TAB2: variants seen among roughly 807,000 people sequenced by gnomAD.
TAB2 encodes TGF-beta activated kinase 1 (MAP3K7) binding protein 2.
A neutral mutation model predicts 65.0 loss-of-function variants in TAB2; 3 were observed. That is an observed-to-expected ratio of 0.05 (90% CI 0.02 to 0.12). The LOEUF is 0.12. TAB2 is among the 10% of genes least tolerant of loss of function. TAB2 has a pLI of 1.00. For synonymous variants in TAB2, 298 were observed against 285.1 expected, an observed-to-expected ratio of 1.05 and a Z score of -0.46; for missense variants, 623 against 840.3, an observed-to-expected ratio of 0.74 and a Z score of 3.20.
intron 1 of TAB2, among the ~76,000 whole-genome samples, chr6:149,360,487 C>T (rs1029884799): frequency 6.6e-6 from 1 of 152,152 alleles, no homozygotes; most frequent in Non-Finnish European, 1.5e-5. Flanking sequence ...AGAACAGTGC[C>T]AAGGCAGGGG....
At chr6:149,325,694 C>T (rs76778446) in intron 1 of TAB2, among the ~76,000 whole-genome samples, 2,347 of 152,216 alleles carry the variant, frequency 0.015, 23 homozygotes, top group Middle Eastern at 0.024. Context: ...TATAATACTA[C>T]AAAACTTGTG....
Position 149,403,245 on chromosome 6 carries a change from A to ATAT in TAB2, c.1939+4061_1939+4062insTAT, listed in dbSNP as rs1554265359. 1.2e-3 allele frequency among the ~76,000 whole-genome samples: 58 copies of ATAT among 47,102 alleles called. 1 individual carries two copies. The highest frequency in any genetic ancestry group is 4.6e-3 in the African/African-American group (34 of 7,422). 30.9% of individuals were successfully genotyped at this position (47,102 alleles called of 152,430 possible). A position where few individuals can be genotyped will look rare whatever the true frequency, so the allele number is the denominator to read the frequency against. ...GCGAAACTCTTGTCTAAAAAAAAAA[A>ATAT]AAATATATATATATATATATATATA... On this transcript the variant is annotated intron_variant, in intron 6 of 6. Coordinates refer to ENST00000637181, the MANE Select transcript of TAB2 (RefSeq NM_001292034.3).
intron 1 of TAB2, among the ~76,000 whole-genome samples, chr6:149,351,736 A>G (rs1201516885): frequency 6.6e-6 from 1 of 152,194 alleles, no homozygotes; most frequent in Non-Finnish European, 1.5e-5. Flanking sequence ...AAACGAACCC[A>G]TGGAATCCTA....
intron 6 of TAB2, among the ~76,000 whole-genome samples, chr6:149,405,911 G>A (rs1000003897): frequency 6.6e-6 from 1 of 152,082 alleles, no homozygotes; most frequent in South Asian, 2.1e-4. Context: ...ACGGTGGGGG[G>A]TGGGGAGATA....
intron 6 of TAB2, among the ~76,000 whole-genome samples, chr6:149,405,999 T>C (rs1325857975): frequency 6.6e-6 from 1 of 152,206 alleles, no homozygotes; most frequent in Admixed American, 6.5e-5. Context: ...ATCATCAAGT[T>C]GTACAGCTTA....
rs144330022 is a variant in TAB2 at position 149,336,259 on chromosome 6, G to A, written c.-90+18244G>A. Among the ~76,000 whole-genome samples, 11 of 152,274 alleles carry A rather than the reference G, an allele frequency of 7.2e-5. No homozygotes were observed. In the East Asian group the frequency reaches 1.9e-3, roughly 27 times the overall value. On this transcript the variant is annotated intron_variant, in intron 1 of 6. Transcript: ENST00000637181. ...GAATTCATTGCTGCCTAGTAAATAA[G>A]CTTCTGGGTTCTTAATTAAATAGGA...
At chr6:149,312,466 C>G (rs483329) in intron 1 of TAB2, among the ~76,000 whole-genome samples, 134,343 of 152,188 alleles carry the variant, frequency 0.88, 59,341 homozygotes, top group Middle Eastern at 0.93. Flanking sequence ...GGGTTCAAGC[C>G]ATTCTCATGC....
intron 1 of TAB2, among the ~76,000 whole-genome samples, chr6:149,242,554 G>C (rs560236675): frequency 2.0e-5 from 3 of 152,122 alleles, no homozygotes; most frequent in Non-Finnish European, 4.4e-5. Flanking sequence ...TACCCCAAAA[G>C]AGGCATTTCC....
chr6:149,260,978 C>G (rs370870429), intron 1 of TAB2, among the ~76,000 whole-genome samples: 3 of 152,150 alleles, frequency 2.0e-5, no homozygotes, highest in Admixed American at 6.5e-5. Flanking sequence ...TATATTTCCT[C>G]TGGATTAAAC....
In TAB2 at chr6:149,378,152, C is replaced by T; in HGVS notation, c.237C>T (p.Asn79=). The change falls in exon 3 of 7, where the codon AAC becomes AAT. Residue 79 remains asparagine (N), a synonymous_variant. Transcript: ENST00000637181. ...TACGCAATCACATGACTTCTCTCAA[C>T]TTGGACTTGCAATCACAGAACATTT... ...SGLRNHMTSL[N]LDLQSQNIYH... 7 of 1,614,208 alleles carry T rather than the reference C, an allele frequency of 4.3e-6. No individual in the cohort carries two copies. Among genetic ancestry groups the T allele is most frequent in the South Asian group, 2.2e-5 (2 of 91,088 alleles).
Position 149,349,146 on chromosome 6 carries a change from C to T in TAB2, c.-89-20763C>T, listed in dbSNP as rs1443892746. 2.0e-5 allele frequency among the ~76,000 whole-genome samples: 3 copies of T among 151,872 alleles called. No individual in the cohort carries two copies. In the South Asian group the frequency reaches 6.2e-4, roughly 31 times the overall value. On this transcript the variant is annotated intron_variant, in intron 1 of 6. Coordinates refer to ENST00000637181, the MANE Select transcript of TAB2 (RefSeq NM_001292034.3). ...TTATTGTAAAGTAGTCAAGGCTGGG[C>T]GCCATGTCTCACGCCTGTAACCCCA...
chr6:149,339,630 T>A (rs1469120632), intron 1 of TAB2, among the ~76,000 whole-genome samples: 1 of 141,246 alleles, frequency 7.1e-6, no homozygotes, highest in East Asian at 2.0e-4. Flanking sequence ...TGAGACGGAG[T>A]CTCTGTTGCC....
At position 149,379,213 on chromosome 6, in the gene TAB2, T is replaced by C. The variant is rs1386141377; in HGVS notation, c.1298T>C (p.Ile433Thr). 6.2e-7 allele frequency: 1 copy of C among 1,614,210 alleles called. No individual in the cohort carries two copies. Among genetic ancestry groups the C allele is most frequent in the South Asian group, 1.1e-5 (1 of 91,084 alleles). Residue 433 changes from isoleucine (I) to threonine (T), a missense_variant, in exon 3 of 7, where the codon ATT becomes ACT. Transcript: ENST00000637181. ...SGQVSMGPAFIHHHPPKSRAI... is the reference protein window; with the variant it reads ...SGQVSMGPAFTHHHPPKSRAI... ...CAAGTGAGCATGGGTCCTGCCTTTA[T>C]TCATCACCATCCTCCCAAAAGTCGA...
intron 1 of TAB2, among the ~76,000 whole-genome samples, chr6:149,357,472 A>G (rs1486608528): frequency 2.3e-5 from 3 of 128,744 alleles, no homozygotes; most frequent in Non-Finnish European, 4.9e-5. Flanking sequence ...CACACATTTT[A>G]GCCTTGATGG....
intron 6 of TAB2, among the ~76,000 whole-genome samples, chr6:149,401,847 A>G (rs1284605922): frequency 6.6e-6 from 1 of 152,166 alleles, no homozygotes; most frequent in African/African-American, 2.4e-5. Flanking sequence ...ATTTAAACAC[A>G]GTCTTGAATA....
intron 1 of TAB2, among the ~76,000 whole-genome samples, chr6:149,286,960 T>TA (rs1426671398): frequency 6.6e-6 from 1 of 151,682 alleles, no homozygotes; most frequent in Non-Finnish European, 1.5e-5. Context: ...TACTAAAAAA[T>TA]AAAAAAATTA....
chr6:149,312,054 C>T (rs1779174737), intron 1 of TAB2, among the ~76,000 whole-genome samples: 1 of 152,166 alleles, frequency 6.6e-6, no homozygotes, highest in Non-Finnish European at 1.5e-5. Context: ...ATTCTAATTC[C>T]TTCTGTTTTC....
chr6:149,387,674 A>G (rs1013302916), intron 3 of TAB2, among the ~76,000 whole-genome samples: 2 of 152,190 alleles, frequency 1.3e-5, no homozygotes, highest in Admixed American at 1.3e-4. Flanking sequence ...GCATTAAAAT[A>G]TTTTCCTACA....
upstream of TAB2, among the ~76,000 whole-genome samples, chr6:149,313,201 T>C (rs554952627): frequency 3.9e-5 from 6 of 152,240 alleles, no homozygotes; most frequent in Non-Finnish European, 7.4e-5. Context: ...TCTCACTCTG[T>C]CACCCAGGCT....
Sources: gnomAD v4.1 joint callset for allele counts (sites outside exome capture counted in the v4.1 genomes callset) on GRCh38, gnomAD v4.1.1 for gene constraint, MANE v1.5 for transcripts, NCBI Gene and HGNC (gene_info 2026-07-23, HGNC 2026-07-21) for gene names.